Variants in ARHGEF40 observed in about 807,000 individuals in gnomAD.
ARHGEF40 encodes the protein Rho guanine nucleotide exchange factor (GEF) 40.
Under a neutral mutation model 165.9 loss-of-function variants are expected in ARHGEF40, and 98 were observed. The ratio of observed to expected loss-of-function variants is 0.59; its 90% CI spans 0.50 to 0.70. The LOEUF (loss-of-function observed/expected upper bound fraction) is 0.70, where lower values mean the gene tolerates loss of function less well. Ranked by LOEUF, ARHGEF40 falls within the 30% of genes least tolerant of loss-of-function variation. The probability of loss-of-function intolerance (pLI) is 0.00; values close to 1 mark genes in which losing one functional copy is unlikely to be tolerated. For synonymous variants in ARHGEF40, 792 were observed against 814.3 expected, an observed-to-expected ratio of 0.97 and a Z score of 0.47; for missense variants, 1,815 against 1,968.0, an observed-to-expected ratio of 0.92 and a Z score of 1.47.
chr14:21,087,297 C>T (rs542178858), intron 20 of ARHGEF40, 23 bp from the exon 21 acceptor site: 2 of 1,599,598 alleles, frequency 1.3e-6, no homozygotes, highest in African/African-American at 1.3e-5. Flanking sequence ...AGCACCCCAC[C>T]CCCCACTCCC....
intron 16 of ARHGEF40, 96 bp downstream of exon 16, chr14:21,083,013 C>T: frequency 9.5e-7 from 1 of 1,051,304 alleles, no homozygotes; most frequent in East Asian, 2.4e-5. Flanking sequence ...ACTGGATATG[C>T]CCAGGAACAT....
At chr14:21,085,014 G>A in intron 18 of ARHGEF40, 91 bp downstream of exon 18, 1 of 1,480,874 alleles carries the variant, frequency 6.8e-7, no homozygotes, top group Non-Finnish European at 9.2e-7. Flanking sequence ...CCCAACAGAG[G>A]TTCAGAATCT....
chr14:21,073,114 G>GC lies in ARHGEF40; in HGVS notation c.78dup (p.Thr27HisfsTer52). 3 of 1,614,178 alleles carry GC rather than the reference G, an allele frequency of 1.9e-6. No individual in the cohort carries two copies. The highest frequency in any genetic ancestry group is 2.5e-6 in the Non-Finnish European group (3 of 1,180,028). Reference sequence around the variant, plus strand: ...CCTGTATCCACCCTTTGAGGCAACAGCCCCCACCCTGTTGGGCCAGGTGTT... The same window carrying GC: ...CCTGTATCCACCCTTTGAGGCAACAGCCCCCCACCCTGTTGGGCCAGGTGTT... On this transcript the variant is annotated frameshift_variant, in exon 2 of 24. Coordinates refer to ENST00000298694, the MANE Select transcript of ARHGEF40 (RefSeq NM_018071.5). LOFTEE classifies it high-confidence loss of function. The surrounding 1 kb of genome is among the most constrained non-coding windows in gnomAD (Gnocchi z 4.6).
In ARHGEF40 at chr14:21,074,300, G is replaced by A. The variant is rs575878990; in HGVS notation, c.570G>A (p.Glu190=). ...TCTGTCCACGATTTGTGCACAAAGA[G>A]GGCCTCATGGTTGGACATCAGCCAA... ...ELICPRFVHK[E]GLMVGHQPST... is the part of the protein sequence containing the mutation. Residue 190 remains glutamate, a synonymous_variant, in exon 3 of 24, where the codon GAG becomes GAA. Coordinates refer to ENST00000298694, the MANE Select transcript of ARHGEF40 (RefSeq NM_018071.5). The surrounding 1 kb of genome is among the most constrained non-coding windows in gnomAD (Gnocchi z 4.8). 13 of 1,614,174 alleles carry A rather than the reference G, an allele frequency of 8.1e-6. No homozygotes were observed. In the South Asian group the frequency reaches 1.2e-4, roughly 15 times the overall value.
At chr14:21,062,177 G>T in the ARHGEF40 span, among the ~76,000 whole-genome samples, 1 of 152,196 alleles carries the variant, frequency 6.6e-6, no homozygotes, top group Non-Finnish European at 1.5e-5. Flanking sequence ...AATACTCTTT[G>T]TTGGACACAA....
At chr14:21,082,696 C>G in intron 15 of ARHGEF40, 135 bp from the exon 16 acceptor site, 1 of 1,057,150 alleles carries the variant, frequency 9.5e-7, no homozygotes, top group East Asian at 2.5e-5. Flanking sequence ...GGGAGCCCTT[C>G]CCTCCCTGGT....
At position 21,084,928 on chromosome 14, in the gene ARHGEF40, G is replaced by A. The variant is rs749439845; in HGVS notation, c.3960+5G>A. The stretch of plus-strand genomic sequence containing the variant: ...GTTTACAAGCAGGCCTTTAAGGTAC[G>A]ATTCCTGGAGTGAGTGGTGGAGGTG... On this transcript the variant is annotated splice_donor_5th_base_variant and intron_variant, in intron 18 of 23. Transcript: ENST00000298694. 16 of 1,611,206 alleles carry A rather than the reference G, an allele frequency of 9.9e-6. No homozygotes were observed. In the Admixed American group the frequency reaches 1.5e-4, roughly 15 times the overall value.
In ARHGEF40 at chr14:21,081,900, CATGTGGAGAGGACT is replaced by C. The variant is rs1262214462; in HGVS notation, c.3036_3049del (p.Cys1012Ter). 6.2e-7 allele frequency: 1 copy of C among 1,613,386 alleles called. No homozygotes were observed. Among genetic ancestry groups the C allele is most frequent in the South Asian group, 1.1e-5 (1 of 90,994 alleles). On this transcript the variant is annotated frameshift_variant, in exon 14 of 24. Coordinates refer to ENST00000298694, the MANE Select transcript of ARHGEF40 (RefSeq NM_018071.5). LOFTEE classifies it high-confidence loss of function. ...GCCCCATCCCATTGCTCCCTGGCCC[CATGTGGAGAGGACT>C]ATGAGGAAGAGGGCCCTGAGCTGGC...
Position 21,075,628 on chromosome 14 carries a change from C to A in ARHGEF40, c.1619-17C>A. 1.2e-6 allele frequency: 2 copies of A among 1,614,030 alleles called. No individual in the cohort carries two copies. Among genetic ancestry groups the A allele is most frequent in the Non-Finnish European group, 1.7e-6 (2 of 1,180,006 alleles). On this transcript the variant is annotated splice_polypyrimidine_tract_variant and intron_variant, in intron 4 of 23. Coordinates refer to ENST00000298694, the MANE Select transcript of ARHGEF40 (RefSeq NM_018071.5). The surrounding 1 kb of genome is among the most constrained non-coding windows in gnomAD (Gnocchi z 4.5). ...ACTGCTCCCAGCCAGGACAGCCTGG[C>A]CATTTTGTGTCTTCAGGAGGGGTGG...
Position 21,088,811 on chromosome 14 carries a change from G to GTT in ARHGEF40, c.4519-18_4519-17insTT, listed in dbSNP as rs1888597719. 21 of 1,605,158 alleles carry GTT rather than the reference G, an allele frequency of 1.3e-5. No individual in the cohort carries two copies. Among genetic ancestry groups the GTT allele is most frequent in the Middle Eastern group, 1.7e-4 (1 of 6,046 alleles). On this transcript the variant is annotated intron_variant, in intron 22 of 23. Coordinates refer to ENST00000298694, the MANE Select transcript of ARHGEF40 (RefSeq NM_018071.5). ...CAAGAAATATGTCCCTAAATTCACT[G>GTT]TAGCTTCTCTCCCCCCAGAGTCATG...
intron 19 of ARHGEF40, 31 bp from the exon 20 acceptor site, chr14:21,086,970 G>T: frequency 1.3e-6 from 2 of 1,540,158 alleles, no homozygotes; most frequent in South Asian, 1.2e-5. Context: ...AGGGCAGGAA[G>T]AAGTTGGTAA....
At position 21,076,376 on chromosome 14, in the gene ARHGEF40, C is replaced by T. The variant is rs1369615593; in HGVS notation, c.1756C>T (p.Leu586=). 1 of 1,613,502 alleles carries T rather than the reference C, an allele frequency of 6.2e-7. No homozygotes were observed. Among genetic ancestry groups the T allele is most frequent in the Admixed American group, 1.7e-5 (1 of 60,032 alleles). ...HSLLRPDLQT[L]GLSVLLDLRQ... Reference sequence around the variant, plus strand: ...CTCCCGCAGGCCTGATCTACAGACACTGGGGCTGTCCGTCCTGCTGGACCT... The same window carrying T: ...CTCCCGCAGGCCTGATCTACAGACATTGGGGCTGTCCGTCCTGCTGGACCT... Residue 586 remains leucine, a synonymous_variant, in exon 6 of 24, where the codon CTG becomes TTG. Coordinates refer to ENST00000298694, the MANE Select transcript of ARHGEF40 (RefSeq NM_018071.5).
chr14:21,090,105 G>C lies in ARHGEF40; in HGVS notation c.*1097G>C, dbSNP rs1888697290. ...GTGCCTCAAGACACCTGTTTATTGGGGACACGACTCTGCAATAGGGATGAC... is the reference window on the plus strand; with the variant it reads ...GTGCCTCAAGACACCTGTTTATTGGCGACACGACTCTGCAATAGGGATGAC... On this transcript the variant is annotated 3_prime_UTR_variant, in exon 24 of 24. Coordinates refer to ENST00000298694, the MANE Select transcript of ARHGEF40 (RefSeq NM_018071.5). This position sits in a 1 kb window ranked among gnomAD's most constrained non-coding sequence, Gnocchi z 4.4. The C allele has an allele frequency of 2.5e-6, 1 of 402,718 alleles. No individual in the cohort carries two copies. The highest frequency in any genetic ancestry group is 5.1e-6 in the Non-Finnish European group (1 of 197,314). 24.9% of individuals were successfully genotyped at this position (402,718 alleles called of 1,614,324 possible). A position where few individuals can be genotyped will look rare whatever the true frequency, so the allele number is the denominator to read the frequency against.
chr14:21,064,919 C>T, the ARHGEF40 span, among the ~76,000 whole-genome samples: 5 of 152,166 alleles, frequency 3.3e-5, no homozygotes, highest in East Asian at 7.7e-4. Flanking sequence ...GCCTGTAATC[C>T]CAGCACTTTG....
rs531460709 is a variant in ARHGEF40 at position 21,073,586 on chromosome 14, T to C, written c.201+344T>C. On this transcript the variant is annotated intron_variant, in intron 2 of 23. Coordinates refer to ENST00000298694, the MANE Select transcript of ARHGEF40 (RefSeq NM_018071.5). This position sits in a 1 kb window ranked among gnomAD's most constrained non-coding sequence, Gnocchi z 4.6. The stretch of plus-strand genomic sequence containing the variant: ...TCAAGACACTAACTCCCCCGTACAT[T>C]AGTCAACAGAGATCATTCATTTCTA... 6.6e-6 allele frequency among the ~76,000 whole-genome samples: 1 copy of C among 152,202 alleles called. No individual in the cohort carries two copies. The highest frequency in any genetic ancestry group is 6.5e-5 in the Admixed American group (1 of 15,290).
At chr14:21,071,427 G>A (rs1445631451) in intron 1 of ARHGEF40, among the ~76,000 whole-genome samples, 1 of 152,152 alleles carries the variant, frequency 6.6e-6, no homozygotes, top group Admixed American at 6.5e-5. Flanking sequence ...GGAGGGGCAG[G>A]GGCACTACTG....
At chr14:21,063,021 T>G in the ARHGEF40 span, among the ~76,000 whole-genome samples, 1 of 151,426 alleles carries the variant, frequency 6.6e-6, no homozygotes, top group Non-Finnish European at 1.5e-5. Flanking sequence ...TTCCAGCTAC[T>G]GGGGATGCTG....
Position 21,084,883 on chromosome 14 carries a change from A to G in ARHGEF40, c.3920A>G (p.Glu1307Gly). 1 of 1,614,126 alleles carries G rather than the reference A, an allele frequency of 6.2e-7. No individual in the cohort carries two copies. ...LLLFSKLKGP[E>G]GGSEMFVYKQ... ...CTGTTCAGCAAGCTCAAGGGCCCTGAAGGGGGGTCAGAGATGTTTGTTTAC... is the reference window on the plus strand; with the variant it reads ...CTGTTCAGCAAGCTCAAGGGCCCTGGAGGGGGGTCAGAGATGTTTGTTTAC... Residue 1307 changes from glutamate (E) to glycine (G), a missense_variant, in exon 18 of 24, where the codon GAA becomes GGA. By Grantham distance (98) the Glu-to-Gly change is moderately conservative (BLOSUM62 -2). Coordinates refer to ENST00000298694, the MANE Select transcript of ARHGEF40 (RefSeq NM_018071.5).
At chr14:21,085,592 A>C in intron 18 of ARHGEF40, 97 bp from the exon 19 acceptor site, 1 of 1,405,144 alleles carries the variant, frequency 7.1e-7, no homozygotes, top group Non-Finnish European at 9.7e-7. Context: ...TTTACTGAAC[A>C]TCTATCAGAT....
Sources: allele counts gnomAD v4.1 joint callset (sites outside exome capture counted in the v4.1 genomes callset), GRCh38; gene constraint gnomAD v4.1.1; non-coding constraint Gnocchi (gnomAD v3.1); transcripts MANE v1.5; gene names NCBI Gene and HGNC (gene_info 2026-07-23, HGNC 2026-07-21).